The following TAX1BP1 variants were observed in gnomAD, a reference collection of about 807,000 sequenced individuals.
TAX1BP1 encodes tax1-binding protein 1.
A neutral mutation model predicts 97.7 loss-of-function variants in TAX1BP1; 62 were observed. The ratio of observed to expected loss-of-function variants is 0.63; its 90% CI spans 0.52 to 0.78. TAX1BP1 has a LOEUF of 0.78. TAX1BP1 is among the 30% of genes least tolerant of loss of function. TAX1BP1 has a pLI of 0.00. For synonymous variants in TAX1BP1, 340 were observed against 304.2 expected (o/e 1.12, Z -1.23); for missense variants, 867 against 916.1 (o/e 0.95, Z 0.69).
chr7:27,748,621 G>T lies in TAX1BP1; in HGVS notation c.97G>T (p.Glu33Ter). ...GAGTTACCTTCCTAATGCACACCTG[G>T]AATGTCATTACACCTTAACTCCATA... ...AKSYLPNAHL[E>*]CHYTLTPYIH... Residue 33 changes from glutamate to a stop codon, truncating the protein, a stop_gained, in exon 2 of 17, where the codon GAA becomes TAA. Coordinates refer to ENST00000396319, the MANE Select transcript of TAX1BP1 (RefSeq NM_006024.7). LOFTEE classifies it high-confidence loss of function. 2 of 1,602,728 alleles carry T rather than the reference G, an allele frequency of 1.2e-6. No individual in the cohort carries two copies. Among genetic ancestry groups the T allele is most frequent in the Non-Finnish European group, 1.7e-6 (2 of 1,173,642 alleles).
chr7:27,801,565 A>G (rs1451618159), intron 13 of TAX1BP1, among the ~76,000 whole-genome samples: 3 of 152,168 alleles, frequency 2.0e-5, no homozygotes, highest in Admixed American at 2.0e-4. Flanking sequence ...GCTATGTTAG[A>G]TATTATGTGG....
rs927287024 is a variant in TAX1BP1, at chr7:27,792,977, A to C, written c.1264-89A>C. ...ACTCTGTCTCAAAAACAAAAAAAAG[A>C]AAAAAAGTAAGATTGAAGTTGGGGT... On this transcript the variant is annotated intron_variant, in intron 9 of 16. Transcript: ENST00000396319. 7.9e-6 allele frequency: 10 copies of C among 1,260,032 alleles called. No homozygotes were observed. The African/African-American group carries it at 1.6e-4, about 20-fold the overall frequency. 78.1% of individuals were successfully genotyped at this position (1,260,032 alleles called of 1,614,324 possible).
At chr7:27,756,083 G>A (rs1788200180) in intron 2 of TAX1BP1, among the ~76,000 whole-genome samples, 1 of 152,038 alleles carries the variant, frequency 6.6e-6, no homozygotes, top group South Asian at 2.1e-4. Flanking sequence ...ATCAACCTTT[G>A]GTTTGGACAC....
intron 3 of TAX1BP1, 56 bp downstream of exon 3, chr7:27,758,189 GA>G: frequency 7.5e-7 from 1 of 1,326,810 alleles, no homozygotes; most frequent in Non-Finnish European, 1.1e-6. Flanking sequence ...TGCCATTAAA[GA>G]TGTTGTACTC....
rs772522233 is a variant in TAX1BP1 at position 27,766,039 on chromosome 7, G to A, written c.453+18G>A. ...TTCTTGAGGTTGGTGTTCACAGTGA[G>A]ATAGTGATTCATTGATAATTTTAAG... is the stretch of plus-strand genomic sequence containing the variant. On this transcript the variant is annotated intron_variant, in intron 4 of 16. Transcript: ENST00000396319. 1 of 1,602,920 alleles carries A rather than the reference G, an allele frequency of 6.2e-7. No homozygotes were observed. Among genetic ancestry groups the A allele is most frequent in the African/African-American group, 1.3e-5 (1 of 74,510 alleles).
At chr7:27,810,224 T>C (rs1790505478) in intron 13 of TAX1BP1, among the ~76,000 whole-genome samples, 2 of 149,774 alleles carry the variant, frequency 1.3e-5, no homozygotes, top group South Asian at 4.2e-4. Flanking sequence ...TTTTTTTGAA[T>C]CGTGTTTGAA....
At chr7:27,742,593 C>G (rs559435147) in intron 1 of TAX1BP1, among the ~76,000 whole-genome samples, 34 of 152,258 alleles carry the variant, frequency 2.2e-4, no homozygotes, top group African/African-American at 7.9e-4. Flanking sequence ...GACACAGTAA[C>G]AGTCTGATCT....
At chr7:27,800,252 T>C (rs1233596964) in intron 13 of TAX1BP1, among the ~76,000 whole-genome samples, 162 bp downstream of exon 13, 1 of 152,232 alleles carries the variant, frequency 6.6e-6, no homozygotes, top group African/African-American at 2.4e-5. Context: ...ATACTGTTCA[T>C]TAACTTTGAA....
chr7:27,788,222 A>G (rs752660876), intron 8 of TAX1BP1, among the ~76,000 whole-genome samples: 30 of 152,098 alleles, frequency 2.0e-4, no homozygotes, highest in Non-Finnish European at 3.8e-4. Flanking sequence ...AAGAAAAGAC[A>G]TAGATGATGT....
chr7:27,773,137 C>T (rs1788906303), intron 5 of TAX1BP1, among the ~76,000 whole-genome samples: 1 of 152,008 alleles, frequency 6.6e-6, no homozygotes, highest in Admixed American at 6.6e-5. Context: ...TCAGAGGTAG[C>T]ACAGAGAGGC....
chr7:27,753,212 A>G (rs915108298), intron 2 of TAX1BP1, among the ~76,000 whole-genome samples: 3 of 152,226 alleles, frequency 2.0e-5, no homozygotes, highest in Non-Finnish European at 4.4e-5. Flanking sequence ...AGACATGAGT[A>G]TCGCTTGAAC....
chr7:27,770,069 A>C lies in TAX1BP1; in HGVS notation c.612+235A>C, dbSNP rs1399043559. Among the ~76,000 whole-genome samples the C allele has an allele frequency of 2.0e-5, 3 of 152,130 alleles. No homozygotes were observed. In the East Asian group the frequency reaches 5.8e-4, roughly 29 times the overall value. On this transcript the variant is annotated intron_variant, in intron 5 of 16. Transcript: ENST00000396319. ...CTTTTGGTACCAGGCTTGTTGAGGTAGTCCCTGACAACTATTTCCAGATGT... is the reference window on the plus strand; with the variant it reads ...CTTTTGGTACCAGGCTTGTTGAGGTCGTCCCTGACAACTATTTCCAGATGT...
At chr7:27,809,469 A>C (rs550462691) in intron 13 of TAX1BP1, among the ~76,000 whole-genome samples, 1 of 152,336 alleles carries the variant, frequency 6.6e-6, no homozygotes, top group East Asian at 1.9e-4. Flanking sequence ...CTGAAATCTA[A>C]ACATGGACCC....
At chr7:27,765,015 T>G (rs1198693748) in intron 3 of TAX1BP1, among the ~76,000 whole-genome samples, 5 of 160 alleles carry the variant, frequency 0.031, no homozygotes, top group African/African-American at 0.056. Flanking sequence ...CTCTGTTTTT[T>G]TTTTTTTTTT....
chr7:27,777,841 AG>A (rs1434804332), intron 5 of TAX1BP1, among the ~76,000 whole-genome samples: 1 of 152,108 alleles, frequency 6.6e-6, no homozygotes, highest in Non-Finnish European at 1.5e-5. Flanking sequence ...CTTTTCTTTC[AG>A]GGATCACTGA....
chr7:27,804,693 A>T (rs1790267760), intron 13 of TAX1BP1, among the ~76,000 whole-genome samples: 1 of 152,230 alleles, frequency 6.6e-6, no homozygotes, highest in African/African-American at 2.4e-5. Context: ...AATGTGGCAG[A>T]TGGGGAATTG....
At chr7:27,822,645 T>C (rs1050455072) in intron 15 of TAX1BP1, among the ~76,000 whole-genome samples, 3 of 152,218 alleles carry the variant, frequency 2.0e-5, no homozygotes, top group African/African-American at 4.8e-5. Flanking sequence ...CATTTGTATA[T>C]CCTCTTTGGA....
chr7:27,783,116 C>G (rs1789326719), intron 5 of TAX1BP1, among the ~76,000 whole-genome samples: 1 of 152,048 alleles, frequency 6.6e-6, no homozygotes, highest in African/African-American at 2.4e-5. Context: ...TCTTTATCTC[C>G]CTTTGCCCCA....
chr7:27,828,773 G>T lies in TAX1BP1; in HGVS notation c.2314G>T (p.Val772Leu), dbSNP rs751402792. The change falls in exon 17 of 17, where the codon GTG becomes TTG. Residue 772 changes from valine (V) to leucine (L), a missense_variant. Around this residue, in one of 3 missense-constraint regions of TAX1BP1, gnomAD observed 34 missense variants for 33.2 expected, o/e 1.02. Coordinates refer to ENST00000396319, the MANE Select transcript of TAX1BP1 (RefSeq NM_006024.7). ...EQFPPDYDQQVFERHVQTHFD... is the reference protein window; with the variant it reads ...EQFPPDYDQQLFERHVQTHFD... ...GTTCCCTCCTGACTATGACCAGCAG[G>T]TGTTTGAAAGGCATGTGCAGACCCA... The T allele has an allele frequency of 1.9e-6, 3 of 1,610,582 alleles. No individual in the cohort carries two copies. The highest frequency in any genetic ancestry group is 2.5e-6 in the Non-Finnish European group (3 of 1,178,332).
Sources: gnomAD v4.1 joint callset for allele counts (sites outside exome capture counted in the v4.1 genomes callset) on GRCh38, gnomAD v4.1.1 for gene constraint, gnomAD v4.1.1 regional missense constraint, MANE v1.5 for transcripts, NCBI Gene and HGNC (gene_info 2026-07-23, HGNC 2026-07-21) for gene names.